Variants in WASHC2A observed in about 807,000 individuals in gnomAD.
The protein encoded by WASHC2A is WASH complex subunit FAM21A.
Under a neutral mutation model 140.3 loss-of-function variants are expected in WASHC2A, and 82 were observed. That is an observed-to-expected ratio of 0.58 (90% confidence interval 0.49 to 0.70). The LOEUF is 0.70. WASHC2A is among the 30% of genes least tolerant of loss of function. The pLI is 0.00. For missense variants in WASHC2A, 985 were observed against 1,521.8 expected (o/e 0.65, Z 5.87); for synonymous variants, 340 against 560.8 (o/e 0.61, Z 5.56).
intron 20 of WASHC2A, among the ~76,000 whole-genome samples, chr10:50,112,990 G>A (rs569137768): frequency 6.1e-4 from 91 of 149,754 alleles, no homozygotes; most frequent in Middle Eastern, 3.4e-3. Context: ...TGCACAACTC[G>A]ATGAGTATAT....
At position 50,068,099 on chromosome 10, in the gene WASHC2A, C is replaced by T. The variant is rs1554874620; in HGVS notation, c.4-6C>T. 6.2e-7 allele frequency: 1 copy of T among 1,608,426 alleles called. No individual in the cohort carries two copies. The highest frequency in any genetic ancestry group is 8.5e-7 in the Non-Finnish European group (1 of 1,178,146). On this transcript the variant is annotated splice_region_variant and splice_polypyrimidine_tract_variant and intron_variant, in intron 1 of 30. Transcript: ENST00000282633. ...TCAGCTTCTCTTCTCGTTTTTTTCG[C>T]TGCAGATGAACCGGACGACCCCCGA...
At chr10:50,119,958 G>A (rs531426050) in intron 23 of WASHC2A, among the ~76,000 whole-genome samples, 189 bp downstream of exon 23, 5,782 of 136,246 alleles carry the variant, frequency 0.042, 875 homozygotes, top group African/African-American at 0.083. Flanking sequence ...AGCAGTGTTA[G>A]GATAGGGGAT....
chr10:50,125,591 G>T, intron 25 of WASHC2A, 142 bp downstream of exon 25: 2 of 1,568,984 alleles, frequency 1.3e-6, no homozygotes, highest in South Asian at 2.3e-5. Context: ...CATGCTGAGG[G>T]GAGCGTGTGT....
intron 28 of WASHC2A, 120 bp from the exon 29 acceptor site, chr10:50,129,299 T>C (rs1385563035): frequency 2.2e-5 from 34 of 1,553,416 alleles, no homozygotes; most frequent in Non-Finnish European, 3.0e-5. Flanking sequence ...TCTTAGATAA[T>C]ATCTTCATTG....
intron 18 of WASHC2A, among the ~76,000 whole-genome samples, chr10:50,104,600 G>A (rs1168013744): frequency 1.3e-5 from 2 of 151,984 alleles, no homozygotes; most frequent in South Asian, 2.1e-4. Flanking sequence ...CAGGTGATCC[G>A]CCTGCCTCGG....
intron 13 of WASHC2A, 98 bp downstream of exon 13, chr10:50,094,015 T>C (rs1554883862): frequency 1.9e-6 from 3 of 1,599,006 alleles, no homozygotes; most frequent in Non-Finnish European, 2.6e-6. Flanking sequence ...GCCTTGTTTC[T>C]GTGTTAAGCA....
chr10:50,068,725 C>CT (rs1281461853), intron 2 of WASHC2A, among the ~76,000 whole-genome samples: 2 of 149,498 alleles, frequency 1.3e-5, no homozygotes. Flanking sequence ...CCAAAGAGGA[C>CT]TTTTAAAAGG....
intron 7 of WASHC2A, 106 bp from the exon 8 acceptor site, chr10:50,087,169 T>G: frequency 6.7e-7 from 1 of 1,482,026 alleles, no homozygotes; most frequent in Non-Finnish European, 9.4e-7. Context: ...GAGCTTTTTC[T>G]CCACTTGACA....
intron 3 of WASHC2A, among the ~76,000 whole-genome samples, chr10:50,072,541 C>T (rs1837948528): frequency 8.4e-6 from 1 of 118,382 alleles, no homozygotes; most frequent in African/African-American, 3.2e-5. Context: ...GACTGGAGTG[C>T]AGTGGTGCAA....
rs1380258247 is a variant in WASHC2A, at chr10:50,110,098, A to T, written c.1870-3A>T. ...AGTTTTAATATATATTTTATGTTTT[A>T]AGGACCAGTGGAATATTCCTGCTTC... is the stretch of plus-strand genomic sequence containing the variant. On this transcript the variant is annotated splice_polypyrimidine_tract_variant and splice_region_variant and intron_variant, in intron 19 of 30. Coordinates refer to ENST00000282633, the MANE Select transcript of WASHC2A (RefSeq NM_001005751.3). 9 of 1,608,060 alleles carry T rather than the reference A, an allele frequency of 5.6e-6. No individual in the cohort carries two copies. The African/African-American group carries it at 1.1e-4, about 19-fold the overall frequency.
chr10:50,131,178 C>T, intron 30 of WASHC2A, 100 bp downstream of exon 30: 1 of 1,517,434 alleles, frequency 6.6e-7, no homozygotes. Context: ...GGAAAATGCA[C>T]CCCAGCGGGT....
intron 9 of WASHC2A, among the ~76,000 whole-genome samples, chr10:50,091,111 C>T (rs2805158): frequency 0.29 from 44,286 of 151,592 alleles, 7,316 homozygotes; most frequent in Middle Eastern, 0.44. Flanking sequence ...TGTCTAGTTC[C>T]AGAGTTTGAA....
At chr10:50,116,018 G>A (rs1449402977) in intron 21 of WASHC2A, among the ~76,000 whole-genome samples, 4 of 145,346 alleles carry the variant, frequency 2.8e-5, no homozygotes, top group African/African-American at 1.0e-4. Context: ...AGGGAGGCTG[G>A]GGCAGGAGAA....
At chr10:50,090,515 A>AATATATATATATATTT (rs1839814757) in intron 8 of WASHC2A, among the ~76,000 whole-genome samples, 4 of 108,734 alleles carry the variant, frequency 3.7e-5, no homozygotes, top group South Asian at 3.0e-4. Flanking sequence ...AAAAAAAAAA[A>AATATATATATATATTT]ATATATATAT....
In WASHC2A at chr10:50,082,507, A is replaced by C. The variant is rs1409992272; in HGVS notation, c.529-1565A>C. 1.9e-3 allele frequency among the ~76,000 whole-genome samples: 257 copies of C among 138,742 alleles called. 1 individual carries two copies. Among genetic ancestry groups the C allele is most frequent in the African/African-American group, 6.3e-3 (247 of 39,202 alleles). The allele number at this position is 138,742 out of a possible 152,430, so 91.0% of individuals were successfully genotyped here. On this transcript the variant is annotated intron_variant, in intron 5 of 30. Transcript: ENST00000282633. ...TATTTTTTTTTTTTTTTTGAGACAG[A>C]GTTTCACTCTTGTTGCCCAAGCTGG...
chr10:50,130,807 T>TG (rs1843895844), intron 29 of WASHC2A, 94 bp from the exon 30 acceptor site: 1 of 1,582,172 alleles, frequency 6.3e-7, no homozygotes, highest in African/African-American at 1.4e-5. Context: ...CCACACACCC[T>TG]GGCCAATTGT....
chr10:50,127,847 A>T (rs932065780), intron 28 of WASHC2A, 52 bp downstream of exon 28: 6 of 791,470 alleles, frequency 7.6e-6, no homozygotes, highest in Non-Finnish European at 1.3e-5. Flanking sequence ...CAGAACATGC[A>T]TATGCTTCTT....
In WASHC2A at chr10:50,125,225, G is replaced by C. The variant is rs1554894576; in HGVS notation, c.2591G>C (p.Gly864Ala). Residue 864 changes from glycine (G) to alanine (A), a missense_variant, in exon 24 of 31, where the codon GGC becomes GCC. Coordinates refer to ENST00000282633, the MANE Select transcript of WASHC2A (RefSeq NM_001005751.3). ...DNDPDVDLFA[G>A]TKKTKLLEPS... ...GACCCAGATGTTGACCTTTTTGCTG[G>C]CACCAAAAAAACCAAGGTCAGTTCC... The C allele has an allele frequency of 6.2e-7, 1 of 1,608,494 alleles. No individual in the cohort carries two copies.
chr10:50,104,477 C>T (rs1554887895), intron 18 of WASHC2A, among the ~76,000 whole-genome samples: 2 of 151,888 alleles, frequency 1.3e-5, no homozygotes, highest in African/African-American at 4.8e-5. Context: ...CTGCCTCGAC[C>T]TCCCAAGTAG....
Sources: gnomAD v4.1 joint callset for allele counts (sites outside exome capture counted in the v4.1 genomes callset) on GRCh38, gnomAD v4.1.1 for gene constraint, MANE v1.5 for transcripts, NCBI Gene and HGNC (gene_info 2026-07-23, HGNC 2026-07-21) for gene names.